The following TSEN15 variants were observed in gnomAD, a reference collection of about 807,000 sequenced individuals.
TSEN15 encodes tRNA splicing endonuclease subunit 15.
TSEN15 carries 10 observed loss-of-function variants against 20.5 expected under a neutral mutation model. That is an observed-to-expected ratio of 0.49 (90% CI 0.30 to 0.83). The LOEUF (loss-of-function observed/expected upper bound fraction) is 0.83, where lower values mean the gene tolerates loss of function less well. Ranked by LOEUF, TSEN15 falls within the 40% of genes least tolerant of loss-of-function variation. The pLI is 0.06. For synonymous variants in TSEN15, 72 were observed against 80.1 expected (o/e 0.90, Z 0.54); for missense variants, 180 against 218.6 (o/e 0.82, Z 1.11).
At chr1:184,077,262 T>G (rs1216674984), downstream of TSEN15, among the ~76,000 whole-genome samples, 1 of 152,156 alleles carries the variant, frequency 6.6e-6, no homozygotes, top group African/African-American at 2.4e-5. Context: ...CTACTCTACT[T>G]ATACTCTATA....
intron 3 of TSEN15, among the ~76,000 whole-genome samples, chr1:184,086,833 G>A (rs1009486154): frequency 1.3e-5 from 2 of 152,308 alleles, no homozygotes; most frequent in Non-Finnish European, 1.5e-5. Context: ...ACACACTGAT[G>A]CTTCTGCTTT....
rs190351389 is a variant in TSEN15 at position 184,053,887 on chromosome 1, G to T, written c.136-467G>T. Among the ~76,000 whole-genome samples, 698 of 152,318 alleles carry T rather than the reference G, an allele frequency of 4.6e-3. 30 individuals carry two copies. Among genetic ancestry groups the T allele is most frequent in the Admixed American group, 0.041 (620 of 15,296 alleles). ...TCCCATCACAAGTTTTATTAAAAAG[G>T]TTTCTCTATTGCTGGCAGATAGGTT... On this transcript the variant is annotated intron_variant, in intron 1 of 4. Transcript: ENST00000645668.
chr1:184,051,783 AC>A lies in TSEN15; in HGVS notation c.33del (p.Gly12AlafsTer36). ...GGAGGAGCGCGGCGATTCCGAGCCG[AC>A]CCCCGGCTGCAGCGGCCTGGGTCCG... MEERGDSEP[T>X]PGCSGLGPGG... On this transcript the variant is annotated frameshift_variant, in exon 1 of 5. Transcript: ENST00000645668. LOFTEE classifies it high-confidence loss of function. The A allele has an allele frequency of 6.6e-6, 10 of 1,515,832 alleles. No homozygotes were observed. Among genetic ancestry groups the A allele is most frequent in the Admixed American group, 4.1e-5 (2 of 49,088 alleles). The allele number at this position is 1,515,832 out of a possible 1,614,324, so 93.9% of individuals were successfully genotyped here.
intron 3 of TSEN15, among the ~76,000 whole-genome samples, chr1:184,083,807 C>T (rs1199631404): frequency 3.9e-5 from 6 of 152,152 alleles, no homozygotes. Flanking sequence ...GGAGTTGGTG[C>T]AGATACTATC....
intron 3 of TSEN15, among the ~76,000 whole-genome samples, chr1:184,068,923 C>T (rs1410541886): frequency 6.6e-6 from 1 of 152,186 alleles, no homozygotes; most frequent in Admixed American, 6.5e-5. Flanking sequence ...ACCCATGATA[C>T]ATTCTATTTC....
downstream of TSEN15, among the ~76,000 whole-genome samples, chr1:184,076,760 G>C (rs1471614801): frequency 6.6e-6 from 1 of 152,088 alleles, no homozygotes; most frequent in African/African-American, 2.4e-5. Flanking sequence ...AAGTTTGAGT[G>C]GTCTGCAGAG....
intron 3 of TSEN15, among the ~76,000 whole-genome samples, chr1:184,090,702 G>T (rs1036667497): frequency 2.6e-5 from 4 of 152,100 alleles, no homozygotes; most frequent in African/African-American, 9.7e-5. Context: ...CATCTATTTG[G>T]ATTTCTGTCT....
exon 4 of TSEN15, chr1:184,096,008 A>G (rs1356401804): frequency 8.9e-6 from 3 of 337,788 alleles, no homozygotes; most frequent in African/African-American, 4.2e-5. Flanking sequence ...TGCTTCTAAT[A>G]AAACACCCAC....
chr1:184,089,471 C>A (rs1651319498), intron 3 of TSEN15, among the ~76,000 whole-genome samples: 1 of 152,066 alleles, frequency 6.6e-6, no homozygotes, highest in Admixed American at 6.6e-5. Context: ...AAACAGCAGA[C>A]CATATGGAAA....
At chr1:184,095,230 G>T in intron 3 of TSEN15, 1 of 397,006 alleles carries the variant, frequency 2.5e-6, no homozygotes, top group Non-Finnish European at 4.4e-6. Context: ...ACTGCTATGA[G>T]CAACCCCCAT....
intron 4 of TSEN15, 81 bp from the exon 5 acceptor site, chr1:184,072,746 A>C (rs1479156871): frequency 8.5e-7 from 1 of 1,179,000 alleles, no homozygotes; most frequent in African/African-American, 1.5e-5. Flanking sequence ...TTGGATAATT[A>C]CATTAAATAT....
intron 3 of TSEN15, 76 bp from the exon 4 acceptor site, chr1:184,072,081 T>C: frequency 6.9e-7 from 1 of 1,454,442 alleles, no homozygotes; most frequent in Non-Finnish European, 9.2e-7. Context: ...TTTCAAGTTT[T>C]CTAGTGCTTT....
intron 3 of TSEN15, among the ~76,000 whole-genome samples, chr1:184,083,191 C>A (rs1269407951): frequency 6.6e-6 from 1 of 152,124 alleles, no homozygotes; most frequent in Admixed American, 6.6e-5. Context: ...TCCTGCCATT[C>A]CAGTGGCAGG....
intron 3 of TSEN15, among the ~76,000 whole-genome samples, chr1:184,066,690 G>A (rs1026587728): frequency 2.6e-5 from 4 of 152,306 alleles, no homozygotes; most frequent in Admixed American, 6.5e-5. Context: ...ACAGGTGTGA[G>A]CCACTGTGCC....
chr1:184,070,814 TCTA>T, intron 3 of TSEN15: 3 of 440,314 alleles, frequency 6.8e-6, no homozygotes, highest in African/African-American at 2.1e-5. Flanking sequence ...TGAATAAGAA[TCTA>T]GCTAGTTGTA....
chr1:184,053,697 A>G (rs73050971), intron 1 of TSEN15, among the ~76,000 whole-genome samples: 2,685 of 152,280 alleles, frequency 0.018, 81 homozygotes, highest in African/African-American at 0.06. Context: ...TATGCTGACC[A>G]GTAGTCTGAA....
intron 3 of TSEN15, chr1:184,058,109 T>C: frequency 2.5e-6 from 1 of 392,370 alleles, no homozygotes; most frequent in Non-Finnish European, 5.0e-6. Flanking sequence ...AATCATTTCA[T>C]AAGTCTAGAA....
In TSEN15 at chr1:184,094,789, A is replaced by G. The variant is rs182359523; in HGVS notation, c.354-901A>G. On this transcript the variant is annotated intron_variant, in intron 3 of 3. Transcript: ENST00000643231. ...GTGCCTGAAATTTGTGCTATAAGCC[A>G]TCAGTCTCCAGAGACTACCAATAAA... 706 of 373,996 alleles carry G rather than the reference A, an allele frequency of 1.9e-3. 5 individuals are homozygous for G. The East Asian group carries it at 0.023, about 12-fold the overall frequency. 23.2% of individuals were successfully genotyped at this position (373,996 alleles called of 1,614,324 possible). A position where few individuals can be genotyped will look rare whatever the true frequency, so the allele number is the denominator to read the frequency against.
At chr1:184,057,683 T>C (rs1172324777) in intron 3 of TSEN15, among the ~76,000 whole-genome samples, 2 of 152,184 alleles carry the variant, frequency 1.3e-5, no homozygotes, top group Non-Finnish European at 2.9e-5. Flanking sequence ...ATTGTGCATA[T>C]TTCATAAAGC....
Sources: gnomAD v4.1 joint callset for allele counts (sites outside exome capture counted in the v4.1 genomes callset) on GRCh38, gnomAD v4.1.1 for gene constraint, MANE v1.5 for transcripts, NCBI Gene and HGNC (gene_info 2026-07-23, HGNC 2026-07-21) for gene names.